Variants in MCUB observed in about 807,000 individuals in gnomAD.
The protein encoded by MCUB is calcium uniporter regulatory subunit MCUb, mitochondrial.
MCUB carries 46 observed loss-of-function variants against 41.4 expected under a neutral mutation model. That is an observed-to-expected ratio of 1.11 (90% CI 0.88 to 1.42). MCUB has a LOEUF of 1.42. MCUB is among the 40% of genes most tolerant of loss of function. The pLI is 0.00. For synonymous variants in MCUB, 148 were observed against 148.2 expected, an observed-to-expected ratio of 1.00 and a Z score of 0.01; for missense variants, 403 against 404.9, an observed-to-expected ratio of 1.00 and a Z score of 0.04.
At chr4:109,622,680 G>A (rs1299520655) in intron 1 of MCUB, among the ~76,000 whole-genome samples, 1 of 152,080 alleles carries the variant, frequency 6.6e-6, no homozygotes. Flanking sequence ...TGCCTCCATG[G>A]GTGTGCCCAC....
intron 6 of MCUB, 130 bp downstream of exon 6, chr4:109,684,776 TTTA>T (rs1729799276): frequency 3.4e-6 from 2 of 585,920 alleles, no homozygotes; most frequent in Non-Finnish European, 6.0e-6. Context: ...TGGTAAATTT[TTTA>T]TTGTTTTTCA....
intron 7 of MCUB, among the ~76,000 whole-genome samples, chr4:109,685,732 A>G (rs1729824962): frequency 6.6e-6 from 1 of 152,256 alleles, no homozygotes; most frequent in Admixed American, 6.5e-5. Context: ...TAAAGATAGA[A>G]GAATCATTAT....
At chr4:109,646,132 C>T (rs1728830673) in intron 1 of MCUB, among the ~76,000 whole-genome samples, 1 of 152,014 alleles carries the variant, frequency 6.6e-6, no homozygotes, top group African/African-American at 2.4e-5. Flanking sequence ...AGCATACTAC[C>T]ATCTGGTTTC....
At position 109,682,535 on chromosome 4, in the gene MCUB, C is replaced by A. The variant is rs190359588; in HGVS notation, c.452-47C>A. 4.7e-6 allele frequency: 7 copies of A among 1,504,478 alleles called. No individual in the cohort carries two copies. The Admixed American group carries it at 5.9e-5, about 13-fold the overall frequency. The allele number at this position is 1,504,478 out of a possible 1,614,324, so 93.2% of individuals were successfully genotyped here. On this transcript the variant is annotated intron_variant, in intron 4 of 7. Coordinates refer to ENST00000394650, the MANE Select transcript of MCUB (RefSeq NM_017918.5). Reference sequence around the variant, plus strand: ...GGGACCGAAAGATTTACACACCCTGCGGGAACAATGTGGTGACTGGCTTGT... The same window carrying A: ...GGGACCGAAAGATTTACACACCCTGAGGGAACAATGTGGTGACTGGCTTGT...
chr4:109,611,061 A>G (rs1366820718), intron 1 of MCUB, among the ~76,000 whole-genome samples: 2 of 152,002 alleles, frequency 1.3e-5, no homozygotes, highest in Non-Finnish European at 2.9e-5. Context: ...TTCCTCTTCT[A>G]AAAAGAGAGA....
intron 1 of MCUB, among the ~76,000 whole-genome samples, chr4:109,565,546 G>A (rs1441805824): frequency 2.0e-5 from 3 of 152,178 alleles, no homozygotes; most frequent in African/African-American, 7.2e-5. Context: ...AGAGAACAGC[G>A]AGCTGGTGTG....
intron 1 of MCUB, among the ~76,000 whole-genome samples, chr4:109,627,716 C>T (rs952326599): frequency 3.3e-5 from 5 of 152,114 alleles, no homozygotes; most frequent in Admixed American, 2.0e-4. Flanking sequence ...AATTCGAGAC[C>T]AGCCTGGCCA....
chr4:109,664,422 CTTT>C (rs11405576), intron 4 of MCUB, 28 bp downstream of exon 4: 386 of 615,204 alleles, frequency 6.3e-4, no homozygotes, highest in East Asian at 9.9e-4. Flanking sequence ...CCAACTATTA[CTTT>C]TTTTTTTTTT....
chr4:109,568,411 C>G (rs1726831648), intron 1 of MCUB, among the ~76,000 whole-genome samples: 1 of 152,190 alleles, frequency 6.6e-6, no homozygotes, highest in Non-Finnish European at 1.5e-5. Flanking sequence ...TCTTCCGTAT[C>G]CCCGCTCTAG....
At chr4:109,564,138 T>A in intron 1 of MCUB, among the ~76,000 whole-genome samples, 1 of 151,808 alleles carries the variant, frequency 6.6e-6, no homozygotes, top group East Asian at 1.9e-4. Flanking sequence ...ATTTCTTTCT[T>A]TTCTTTTTTT....
chr4:109,595,783 G>A (rs1163829670), intron 1 of MCUB, among the ~76,000 whole-genome samples: 6 of 152,284 alleles, frequency 3.9e-5, no homozygotes, highest in Non-Finnish European at 2.9e-5. Context: ...GGAGGAGATT[G>A]TAGGGTCATC....
chr4:109,593,262 G>A (rs971927487), intron 1 of MCUB, among the ~76,000 whole-genome samples: 36 of 151,890 alleles, frequency 2.4e-4, no homozygotes, highest in African/African-American at 8.5e-4. Flanking sequence ...TCTCCCTAAA[G>A]ATTGGATGAG....
intron 1 of MCUB, among the ~76,000 whole-genome samples, chr4:109,562,684 A>G (rs993557414): frequency 6.6e-6 from 1 of 152,220 alleles, no homozygotes; most frequent in African/African-American, 2.4e-5. Context: ...CTGACAGCTC[A>G]TAAAATCTTA....
chr4:109,642,879 G>A (rs1728749387), intron 1 of MCUB, among the ~76,000 whole-genome samples: 1 of 143,868 alleles, frequency 7.0e-6, no homozygotes, highest in Non-Finnish European at 1.5e-5. Flanking sequence ...TTGATATACA[G>A]TACTCTCAGC....
Position 109,674,251 on chromosome 4 carries a change from T to C in MCUB, c.452-8331T>C, listed in dbSNP as rs187403570. ...GATGGTAACATGGCATTTTGAATAC[T>C]GGCTTCCTTTCTTGCAGGCTTGATT... On this transcript the variant is annotated intron_variant, in intron 4 of 7. Coordinates refer to ENST00000394650, the MANE Select transcript of MCUB (RefSeq NM_017918.5). 338 of 673,156 alleles carry C rather than the reference T, an allele frequency of 5.0e-4. 2 individuals carry two copies. The African/African-American group carries it at 5.5e-3, about 11-fold the overall frequency. 41.7% of individuals were successfully genotyped at this position (673,156 alleles called of 1,614,324 possible).
chr4:109,573,867 A>ATTTTTTTTTTTTTTTTTTTTTTTTTTT (rs70954166), intron 1 of MCUB, among the ~76,000 whole-genome samples: 2 of 112,532 alleles, frequency 1.8e-5, no homozygotes, highest in Non-Finnish European at 3.5e-5. Context: ...AAAGGGTTGA[A>ATTTTTTTTTTTTTTTTTTTTTTTTTTT]TTTTTTTTTT....
At chr4:109,620,705 TAA>T (rs1035073944) in intron 1 of MCUB, among the ~76,000 whole-genome samples, 1 of 151,764 alleles carries the variant, frequency 6.6e-6, no homozygotes, top group African/African-American at 2.4e-5. Flanking sequence ...TGATTAAAAG[TAA>T]AGAGTATTGA....
Position 109,685,346 on chromosome 4 carries a change from G to GTT in MCUB, c.913_914dup (p.Leu305PhefsTer2). ...ACTTTGATGTGCAGCAATACAACAAGTTAAAAGAAGACCTTGCTAAGGTAT... is the reference window on the plus strand; with the variant it reads ...ACTTTGATGTGCAGCAATACAACAAGTTTTAAAAGAAGACCTTGCTAAGGTAT... On this transcript the variant is annotated frameshift_variant, in exon 7 of 8. Transcript: ENST00000394650. LOFTEE classifies it low-confidence loss of function (END_TRUNC). 6.5e-7 allele frequency: 1 copy of GTT among 1,534,414 alleles called. No individual in the cohort carries two copies. The highest frequency in any genetic ancestry group is 1.7e-5 in the Admixed American group (1 of 59,782).
At chr4:109,673,089 T>G (rs1199353369) in intron 4 of MCUB, among the ~76,000 whole-genome samples, 2 of 152,230 alleles carry the variant, frequency 1.3e-5, no homozygotes, top group Non-Finnish European at 2.9e-5. Context: ...TCTTTTAACA[T>G]CAGGGCAGTA....
Sources: gnomAD v4.1 joint callset for allele counts (sites outside exome capture counted in the v4.1 genomes callset) on GRCh38, gnomAD v4.1.1 for gene constraint, MANE v1.5 for transcripts, NCBI Gene and HGNC (gene_info 2026-07-23, HGNC 2026-07-21) for gene names.